ATP6V1C2: variants seen among roughly 807,000 people sequenced by gnomAD.
ATP6V1C2 encodes ATPase H+ transporting V1 subunit C2.
Under a neutral mutation model 56.8 loss-of-function variants are expected in ATP6V1C2, and 45 were observed. The observed-to-expected ratio is 0.79, with a 90% CI of 0.62 to 1.02. The LOEUF is 1.02. Among genes scored for constraint, ATP6V1C2 ranks in the 50% least tolerant of loss-of-function variants. ATP6V1C2 has a pLI of 0.00. For synonymous variants in ATP6V1C2, 220 were observed against 201.3 expected (o/e 1.09, Z -0.79); for missense variants, 463 against 519.7 (o/e 0.89, Z 1.06).
At chr2:10,743,077 C>G (rs1173157807) in intron 3 of ATP6V1C2, among the ~76,000 whole-genome samples, 2 of 152,154 alleles carry the variant, frequency 1.3e-5, no homozygotes, top group African/African-American at 4.8e-5. Context: ...CTGTCTTACT[C>G]CTTTATTTAC....
intron 3 of ATP6V1C2, among the ~76,000 whole-genome samples, chr2:10,741,713 TGC>T (rs1420396782): frequency 3.8e-3 from 1 of 266 alleles, no homozygotes; most frequent in Non-Finnish European, 0.018. Flanking sequence ...TGGGCCTCTG[TGC>T]ACTCCATTTC....
rs181243990 is a variant in ATP6V1C2, at chr2:10,782,787, C to T, written c.1195-387C>T. Among the ~76,000 whole-genome samples the T allele has an allele frequency of 3.9e-3, 519 of 134,642 alleles. 5 individuals are homozygous for T. The highest frequency in any genetic ancestry group is 0.014 in the African/African-American group (501 of 35,938). The allele number at this position is 134,642 out of a possible 152,430, so 88.3% of individuals were successfully genotyped here. Reference sequence around the variant, plus strand: ...CGGAGGTTGCAGTGAGCTGAGATCACGCCACTACACTCCAGCCTGGCGACA... The same window carrying T: ...CGGAGGTTGCAGTGAGCTGAGATCATGCCACTACACTCCAGCCTGGCGACA... On this transcript the variant is annotated intron_variant, in intron 13 of 13. Transcript: ENST00000272238.
At chr2:10,776,237 C>G (rs1169231084) in intron 10 of ATP6V1C2, among the ~76,000 whole-genome samples, 2 of 151,860 alleles carry the variant, frequency 1.3e-5, no homozygotes, top group Admixed American at 6.6e-5. Context: ...TCACCCTCCT[C>G]CTCCGAAATA....
In ATP6V1C2 at chr2:10,772,533, TTC is replaced by T. The variant is rs1223882726; in HGVS notation, c.570-7_570-6del. On this transcript the variant is annotated splice_region_variant and splice_polypyrimidine_tract_variant and intron_variant, in intron 7 of 13. Transcript: ENST00000272238. ...CAAAAAATCACGTAACGATTCTATG[TTC>T]TTGCAGACCAAACTACTCACAATGG... is the stretch of plus-strand genomic sequence containing the variant. The T allele has an allele frequency of 6.2e-7, 1 of 1,612,732 alleles. No individual in the cohort carries two copies. The highest frequency in any genetic ancestry group is 8.5e-7 in the Non-Finnish European group (1 of 1,178,898).
intron 3 of ATP6V1C2, among the ~76,000 whole-genome samples, chr2:10,743,883 G>A (rs1293334744): frequency 1.3e-5 from 2 of 151,750 alleles, no homozygotes; most frequent in African/African-American, 4.8e-5. Context: ...TACTCGAGAG[G>A]CTGAGGCAGG....
rs993896873 is a variant in ATP6V1C2 at position 10,763,575 on chromosome 2, G to A, written c.284-756G>A. On this transcript the variant is annotated intron_variant, in intron 4 of 13. Transcript: ENST00000272238. The surrounding 1 kb of genome is among the most constrained non-coding windows in gnomAD (Gnocchi z 4.2). The stretch of plus-strand genomic sequence containing the variant: ...GAGCCTAGGCTGGGACATCCGCCAT[G>A]GGAAGGGCCCTCTGCCAGGGGCACA... 3.3e-5 allele frequency among the ~76,000 whole-genome samples: 5 copies of A among 152,204 alleles called. No individual in the cohort carries two copies. Among genetic ancestry groups the A allele is most frequent in the African/African-American group, 7.2e-5 (3 of 41,452 alleles).
At chr2:10,773,719 G>A (rs1471370602) in intron 8 of ATP6V1C2, among the ~76,000 whole-genome samples, 4 of 152,188 alleles carry the variant, frequency 2.6e-5, no homozygotes, top group South Asian at 2.1e-4. Flanking sequence ...TTGTATGGCC[G>A]AGAAGGTTTG....
chr2:10,722,226 A>G (rs1012085969), intron 1 of ATP6V1C2, among the ~76,000 whole-genome samples: 1 of 152,154 alleles, frequency 6.6e-6, no homozygotes, highest in Admixed American at 6.5e-5. Context: ...ACGCCGGGCA[A>G]GGGACCCAGC....
intron 3 of ATP6V1C2, chr2:10,744,341 T>C (rs1187264889): frequency 6.6e-6 from 1 of 152,236 alleles, no homozygotes; most frequent in East Asian, 1.9e-4. Context: ...GATGCTCCTG[T>C]TTCCCCAAGG....
Position 10,740,598 on chromosome 2 carries a change from A to G in ATP6V1C2, c.198-13383A>G, listed in dbSNP as rs575192753. ...CTTGGGGGATTGCCCAGTGATTCCT[A>G]AAAGACTGTAGGCCCCAGGGGATTT... On this transcript the variant is annotated intron_variant, in intron 3 of 13. Transcript: ENST00000272238. Among the ~76,000 whole-genome samples the G allele has an allele frequency of 4.6e-5, 7 of 152,304 alleles. No homozygotes were observed. The East Asian group carries it at 1.3e-3, about 29-fold the overall frequency.
chr2:10,759,333 C>T (rs1299863449), intron 4 of ATP6V1C2, among the ~76,000 whole-genome samples: 3 of 152,322 alleles, frequency 2.0e-5, no homozygotes, highest in African/African-American at 4.8e-5. Context: ...ACACCTTGCC[C>T]GGCCTGGGCC....
At chr2:10,773,101 G>A (rs916878200) in intron 8 of ATP6V1C2, among the ~76,000 whole-genome samples, 6 of 152,212 alleles carry the variant, frequency 3.9e-5, no homozygotes, top group East Asian at 1.9e-4. Flanking sequence ...TGTCCATCAC[G>A]GGACACTGCA....
intron 4 of ATP6V1C2, among the ~76,000 whole-genome samples, chr2:10,759,624 A>T (rs1663778313): frequency 6.6e-6 from 1 of 152,074 alleles, no homozygotes; most frequent in South Asian, 2.1e-4. Context: ...CACCCCAGGC[A>T]GGGGAGGCAA....
chr2:10,723,927 A>G (rs377625601), intron 2 of ATP6V1C2, among the ~76,000 whole-genome samples: 2 of 151,166 alleles, frequency 1.3e-5, no homozygotes, highest in African/African-American at 4.9e-5. Flanking sequence ...ATGCCCGGCT[A>G]ATTTTTGTAT....
intron 3 of ATP6V1C2, among the ~76,000 whole-genome samples, chr2:10,749,384 A>T (rs2148450843): frequency 6.6e-6 from 1 of 152,268 alleles, no homozygotes; most frequent in Non-Finnish European, 1.5e-5. Context: ...GGCAAAATAT[A>T]TGAACATGCT....
At chr2:10,722,271 G>T (rs1031040009) in intron 1 of ATP6V1C2, among the ~76,000 whole-genome samples, 1 of 152,030 alleles carries the variant, frequency 6.6e-6, no homozygotes, top group Non-Finnish European at 1.5e-5. Context: ...GTGGAAAAAA[G>T]ACTTTAGTAG....
intron 3 of ATP6V1C2, among the ~76,000 whole-genome samples, chr2:10,744,489 G>T (rs950121265): frequency 6.6e-6 from 1 of 152,040 alleles, no homozygotes; most frequent in African/African-American, 2.4e-5. Flanking sequence ...ACCTATAGAC[G>T]AGCATTTGAC....
intron 12 of ATP6V1C2, among the ~76,000 whole-genome samples, chr2:10,779,685 T>TGGAAAA (rs1168757276): frequency 1.1e-5 from 1 of 87,074 alleles, no homozygotes; most frequent in Non-Finnish European, 2.2e-5. Flanking sequence ...ACTCCGGCTA[T>TGGAAAA]AGAAAAAAAA....
intron 10 of ATP6V1C2, 34 bp from the exon 11 acceptor site, chr2:10,777,551 C>A (rs1665074436): frequency 6.3e-7 from 1 of 1,598,572 alleles, no homozygotes; most frequent in African/African-American, 1.3e-5. Context: ...TGCATGTTTG[C>A]TGAAAGATTA....
Sources: gnomAD v4.1 joint callset for allele counts (sites outside exome capture counted in the v4.1 genomes callset) on GRCh38, gnomAD v4.1.1 for gene constraint, Gnocchi (gnomAD v3.1) non-coding constraint, MANE v1.5 for transcripts, NCBI Gene and HGNC (gene_info 2026-07-23, HGNC 2026-07-21) for gene names.